DCAF8: variants seen among roughly 807,000 people sequenced by gnomAD.
The protein encoded by DCAF8 is DDB1- and CUL4-associated factor 8.
A neutral mutation model predicts 68.0 loss-of-function variants in DCAF8; 20 were observed. That is an observed-to-expected ratio of 0.29 (90% CI 0.21 to 0.43). The LOEUF (loss-of-function observed/expected upper bound fraction) is 0.43, where lower values mean the gene tolerates loss of function less well. Among genes scored for constraint, DCAF8 ranks in the 20% least tolerant of loss-of-function variants. The pLI is 1.00. For missense variants in DCAF8, 460 were observed against 771.0 expected, an observed-to-expected ratio of 0.60 and a Z score of 4.78; for synonymous variants, 230 against 276.9, an observed-to-expected ratio of 0.83 and a Z score of 1.68.
At chr1:160,222,575 T>G in intron 11 of DCAF8, 76 bp downstream of exon 11, 1 of 1,569,048 alleles carries the variant, frequency 6.4e-7, no homozygotes. Flanking sequence ...ACAGTGAGAA[T>G]TCAGTGTCCC....
At chr1:160,231,270 A>G in intron 7 of DCAF8, 27 bp downstream of exon 7, 6 of 1,535,582 alleles carry the variant, frequency 3.9e-6, no homozygotes, top group Non-Finnish European at 5.4e-6. Context: ...ACAAACTGTC[A>G]AAGACACAAA....
chr1:160,242,005 G>A (rs574195422), intron 3 of DCAF8, among the ~76,000 whole-genome samples: 2 of 152,296 alleles, frequency 1.3e-5, no homozygotes, highest in East Asian at 1.9e-4. Flanking sequence ...CGCTTTGGGA[G>A]GCCAAGGCGG....
chr1:160,252,624 TG>T (rs1362874561), intron 2 of DCAF8, among the ~76,000 whole-genome samples: 1 of 152,050 alleles, frequency 6.6e-6, no homozygotes, highest in Non-Finnish European at 1.5e-5. Context: ...GATAATAAGA[TG>T]GACTGAAATG....
In DCAF8 at chr1:160,252,390, T is replaced by C. The variant is rs553738942; in HGVS notation, c.-26-8356A>G. Among the ~76,000 whole-genome samples, 10 of 152,326 alleles carry C rather than the reference T, an allele frequency of 6.6e-5. No individual in the cohort carries two copies. In the East Asian group the frequency reaches 1.7e-3, roughly 26 times the overall value. On this transcript the variant is annotated intron_variant, in intron 2 of 13. Coordinates refer to ENST00000368074, the MANE Select transcript of DCAF8 (RefSeq NM_015726.4). ...TGGAAAATTAGCTTTTAAGATGGGC[T>C]TTAAAAGACAGGCAGGATTTCAACG...
At chr1:160,232,171 C>T (rs1028344410) in intron 6 of DCAF8, among the ~76,000 whole-genome samples, 2 of 151,648 alleles carry the variant, frequency 1.3e-5, no homozygotes, top group African/African-American at 2.4e-5. Flanking sequence ...GATCATGCCA[C>T]GGTACTCCAG....
At chr1:160,238,527 G>A in intron 5 of DCAF8, 80 bp downstream of exon 5, 1 of 1,424,864 alleles carries the variant, frequency 7.0e-7, no homozygotes, top group East Asian at 2.5e-5. Flanking sequence ...GTGACACAAT[G>A]GGCAGAGATA....
intron 8 of DCAF8, 30 bp from the exon 9 acceptor site, chr1:160,225,149 C>T (rs760708052): frequency 1.9e-6 from 3 of 1,602,276 alleles, no homozygotes; most frequent in Admixed American, 1.7e-5. Flanking sequence ...CTGACTGATG[C>T]CCCACCCCCC....
intron 2 of DCAF8, among the ~76,000 whole-genome samples, chr1:160,253,870 T>C (rs539404708): frequency 6.6e-6 from 1 of 151,990 alleles, no homozygotes; most frequent in East Asian, 1.9e-4. Context: ...GGATAGTCCA[T>C]GCTTCCAAAA....
Position 160,240,036 on chromosome 1 carries a change from G to A in DCAF8, c.384C>T (p.Asp128=), listed in dbSNP as rs1396604984. Residue 128 remains aspartate (D), a synonymous_variant, in exon 4 of 14, where the codon GAC becomes GAT. Transcript: ENST00000368074. ...CTAGGGCCCGCTCATCATCTGATGA[G>A]TCCTGGTCACGGTTAGCCCGCTTGC... The part of the protein sequence containing the change: ...VQRKRANRDQ[D]SSDDERALED... The A allele has an allele frequency of 6.2e-7, 1 of 1,614,268 alleles. No individual in the cohort carries two copies. Among genetic ancestry groups the A allele is most frequent in the South Asian group, 1.1e-5 (1 of 91,088 alleles).
chr1:160,244,526 T>C (rs74125533), intron 2 of DCAF8, among the ~76,000 whole-genome samples: 2,416 of 152,316 alleles, frequency 0.016, 63 homozygotes, highest in African/African-American at 0.049. Context: ...AGTATCATTT[T>C]ACACACAAAT....
In DCAF8 at chr1:160,215,988, TAC is replaced by T. The variant is rs2101708009; in HGVS notation, c.*1602_*1603del. The T allele has an allele frequency of 6.6e-6, 1 of 152,276 alleles. No individual in the cohort carries two copies. Among genetic ancestry groups the T allele is most frequent in the Admixed American group, 6.5e-5 (1 of 15,306 alleles). The allele number at this position is 152,276 out of a possible 1,614,324, so 9.4% of individuals were successfully genotyped here. On this transcript the variant is annotated 3_prime_UTR_variant, in exon 14 of 14. Coordinates refer to ENST00000368074, the MANE Select transcript of DCAF8 (RefSeq NM_015726.4). ...TTAGAAGAATCTGACTGTCCCAGGA[TAC>T]AGAATTCTTGGTTGGATCTTGTGGA... is the stretch of plus-strand genomic sequence containing the variant.
At chr1:160,219,041 G>C (rs757377785) in intron 11 of DCAF8, 73 bp from the exon 12 acceptor site, 9 of 1,583,142 alleles carry the variant, frequency 5.7e-6, no homozygotes, top group Non-Finnish European at 7.7e-6. Context: ...TACTCACCTT[G>C]AGCCAAATAA....
chr1:160,221,208 T>C (rs984548021), intron 11 of DCAF8: 1 of 152,232 alleles, frequency 6.6e-6, no homozygotes, highest in African/African-American at 2.4e-5. Context: ...GCCCTGCATC[T>C]CTCTGGAACA....
chr1:160,247,378 T>C (rs148800813), intron 2 of DCAF8, among the ~76,000 whole-genome samples: 1 of 152,332 alleles, frequency 6.6e-6, no homozygotes, highest in East Asian at 1.9e-4. Context: ...AAGCCTTAAA[T>C]TTTTAACCAA....
intron 2 of DCAF8, among the ~76,000 whole-genome samples, chr1:160,258,824 A>G (rs764472171): frequency 1.3e-5 from 2 of 152,216 alleles, no homozygotes; most frequent in African/African-American, 2.4e-5. Flanking sequence ...CTGATTTACT[A>G]CATATAGATG....
chr1:160,227,390 G>A (rs1485022085), intron 7 of DCAF8, among the ~76,000 whole-genome samples: 2 of 152,080 alleles, frequency 1.3e-5, no homozygotes, highest in African/African-American at 2.4e-5. Context: ...TCAACCTGCC[G>A]CGTAGCTGGG....
chr1:160,243,943 T>A lies in DCAF8; in HGVS notation c.49+17A>T. The A allele has an allele frequency of 1.2e-6, 2 of 1,613,634 alleles. No individual in the cohort carries two copies. Among genetic ancestry groups the A allele is most frequent in the Non-Finnish European group, 1.7e-6 (2 of 1,179,654 alleles). ...GTTGATAGTAAAAATAGCTTCACCT[T>A]CATTTTGGCCCCTTACCATTAGCTA... On this transcript the variant is annotated intron_variant, in intron 3 of 13. Coordinates refer to ENST00000368074, the MANE Select transcript of DCAF8 (RefSeq NM_015726.4).
chr1:160,219,091 A>G, intron 11 of DCAF8, 123 bp from the exon 12 acceptor site: 1 of 1,384,604 alleles, frequency 7.2e-7, no homozygotes. Flanking sequence ...TGGGGAAGGG[A>G]GGCCCACCCA....
At chr1:160,232,186 C>T (rs566403365) in intron 6 of DCAF8, among the ~76,000 whole-genome samples, 3 of 150,226 alleles carry the variant, frequency 2.0e-5, no homozygotes, top group East Asian at 2.0e-4. Context: ...CTCCAGCCTG[C>T]GCAACAGAGC....
Sources: gnomAD v4.1 joint callset for allele counts (sites outside exome capture counted in the v4.1 genomes callset) on GRCh38, gnomAD v4.1.1 for gene constraint, MANE v1.5 for transcripts, NCBI Gene and HGNC (gene_info 2026-07-23, HGNC 2026-07-21) for gene names.